UCKL1: variants seen among roughly 807,000 people sequenced by gnomAD.
UCKL1 encodes uridine-cytidine kinase-like 1.
A neutral mutation model predicts 59.2 loss-of-function variants in UCKL1; 65 were observed. That is an observed-to-expected ratio of 1.10 (90% CI 0.90 to 1.35). The LOEUF (loss-of-function observed/expected upper bound fraction) is 1.35, where lower values mean the gene tolerates loss of function less well. Among genes scored for constraint, UCKL1 ranks in the 40% most tolerant of loss-of-function variants. The pLI is 0.00. For synonymous variants in UCKL1, 410 were observed against 323.1 expected (o/e 1.27, Z -2.88); for missense variants, 703 against 784.3 (o/e 0.90, Z 1.24).
intron 1 of UCKL1, among the ~76,000 whole-genome samples, chr20:63,951,621 G>A (rs1216058523): frequency 6.6e-6 from 1 of 152,172 alleles, no homozygotes; most frequent in Non-Finnish European, 1.5e-5. Flanking sequence ...GCAGGGACCT[G>A]CAGCCACCCA....
Position 63,943,375 on chromosome 20 carries a change from C to A in UCKL1, c.923+278G>T, listed in dbSNP as rs1400227720. Among the ~76,000 whole-genome samples, 5 of 152,334 alleles carry A rather than the reference C, an allele frequency of 3.3e-5. No homozygotes were observed. In the East Asian group the frequency reaches 9.6e-4, roughly 29 times the overall value. ...ACAGCTGTGCTCTCTGGGGTCAAAT[C>A]CCATAGACAGACTCAGGAGTCAGGG... On this transcript the variant is annotated intron_variant, in intron 8 of 14. Transcript: ENST00000354216.
intron 8 of UCKL1, among the ~76,000 whole-genome samples, chr20:63,943,438 C>T (rs2055221996): frequency 6.6e-6 from 1 of 152,186 alleles, no homozygotes; most frequent in South Asian, 2.1e-4. Context: ...AGGGTCAGGA[C>T]TCCGTGACGC....
rs2056060750 is a variant in UCKL1, at chr20:63,945,928, G to GT, written c.458dup (p.Asn153LysfsTer9). On this transcript the variant is annotated frameshift_variant, in exon 4 of 15. Coordinates refer to ENST00000354216, the MANE Select transcript of UCKL1 (RefSeq NM_017859.4). LOFTEE classifies it high-confidence loss of function. ...AGTCAAAGGCATCTGGGTGGTCGAA[G>GT]TTGAAGTTGTTGTGTGCGGCCTGTT... 4.3e-6 allele frequency: 7 copies of GT among 1,613,780 alleles called. No homozygotes were observed. Among genetic ancestry groups the GT allele is most frequent in the Non-Finnish European group, 5.1e-6 (6 of 1,180,012 alleles).
rs370538839 is a variant in UCKL1, at chr20:63,943,711, G to A, written c.907-42C>T. The A allele has an allele frequency of 2.2e-5, 36 of 1,611,874 alleles. No homozygotes were observed. In the African/African-American group the frequency reaches 2.3e-4, roughly 10 times the overall value. On this transcript the variant is annotated intron_variant, in intron 7 of 14. Coordinates refer to ENST00000354216, the MANE Select transcript of UCKL1 (RefSeq NM_017859.4). ...GGAAGACACAAGGGAACGGTGGCGC[G>A]TCAGTGACCAGGGCAGGCGGCCAGG...
intron 8 of UCKL1, chr20:63,942,860 G>T (rs1424381262): frequency 1.5e-5 from 6 of 390,782 alleles, no homozygotes; most frequent in Admixed American, 1.1e-4. Flanking sequence ...CGGGTTCCTA[G>T]GCCGAGGAGA....
intron 2 of UCKL1, 74 bp downstream of exon 2, chr20:63,946,379 C>G (rs1246949633): frequency 6.6e-7 from 1 of 1,524,288 alleles, no homozygotes; most frequent in Non-Finnish European, 8.8e-7. Context: ...GCTTCCTTCT[C>G]CTGCTCCACA....
At chr20:63,954,528 G>C (rs1329493308) in intron 1 of UCKL1, 5 of 152,348 alleles carry the variant, frequency 3.3e-5, no homozygotes, top group African/African-American at 1.2e-4. Context: ...GGAACACTAA[G>C]GGCAGCAGCA....
chr20:63,943,224 C>G (rs917452752), intron 8 of UCKL1, among the ~76,000 whole-genome samples: 14 of 152,328 alleles, frequency 9.2e-5, no homozygotes, highest in Non-Finnish European at 1.5e-4. Context: ...GCGAGGCCCT[C>G]CACCTGCAAC....
At chr20:63,941,612 T>G in intron 8 of UCKL1, 2 of 232,462 alleles carry the variant, frequency 8.6e-6, no homozygotes, top group Non-Finnish European at 9.6e-6. Flanking sequence ...AACTAAAGCT[T>G]TGTGGGGTCA....
rs909154854 is a variant in UCKL1, at chr20:63,952,895, A to C, written c.113+3365T>G. Among the ~76,000 whole-genome samples the C allele has an allele frequency of 7.9e-5, 12 of 152,352 alleles. No individual in the cohort carries two copies. The East Asian group carries it at 1.9e-3, about 24-fold the overall frequency. The stretch of plus-strand genomic sequence containing the variant: ...GTTCATTACAGGTGGGTCAGCTCAT[A>C]AAGTCCAAGGCAGATGCCTCATCGG... On this transcript the variant is annotated intron_variant, in intron 1 of 14. Coordinates refer to ENST00000354216, the MANE Select transcript of UCKL1 (RefSeq NM_017859.4).
At chr20:63,950,768 G>A in intron 1 of UCKL1, 1 of 1,537,998 alleles carries the variant, frequency 6.5e-7, no homozygotes, top group Non-Finnish European at 8.8e-7. Context: ...CCTGCCTTCT[G>A]CTCCAAGGGC....
intron 1 of UCKL1, among the ~76,000 whole-genome samples, chr20:63,948,627 A>G (rs1303469298): frequency 5.8e-4 from 2 of 3,458 alleles, no homozygotes; most frequent in African/African-American, 9.7e-4. Context: ...GGCGTGTGTG[A>G]GAGGGAAGGG....
Position 63,946,583 on chromosome 20 carries a change from C to T in UCKL1, c.174G>A (p.Arg58=). The T allele has an allele frequency of 6.2e-7, 1 of 1,611,422 alleles. No individual in the cohort carries two copies. Among genetic ancestry groups the T allele is most frequent in the South Asian group, 1.1e-5 (1 of 91,044 alleles). The change falls in exon 2 of 15, where the codon CGG becomes CGA. Residue 58 remains arginine (R), a synonymous_variant. Coordinates refer to ENST00000354216, the MANE Select transcript of UCKL1 (RefSeq NM_017859.4). ...LPPVGTGRSP[R]KRTTSQCKSE... ...ACTTGCACTGGCTGGTGGTCCGCTT[C>T]CGGGGAGAGCGCCCAGTGCCCACAG...
Position 63,946,559 on chromosome 20 carries a change from C to A in UCKL1, c.198G>T (p.Lys66Asn), listed in dbSNP as rs755342312. Residue 66 changes from lysine (K) to asparagine (N), a missense_variant, in exon 2 of 15, where the codon AAG (lysine) becomes AAT (asparagine). Lys to Asn is a moderately conservative substitution (Grantham distance 94). Transcript: ENST00000354216. ...TTGTACGCAGCAGGGGAGGCTCTGA[C>A]TTGCACTGGCTGGTGGTCCGCTTCC... ...SPRKRTTSQC[K>N]SEPPLLRTSK... 2 of 1,611,552 alleles carry A rather than the reference C, an allele frequency of 1.2e-6. No homozygotes were observed. The highest frequency in any genetic ancestry group is 2.2e-5 in the South Asian group (2 of 90,938).
rs1241636204 is a variant in UCKL1 at position 63,940,790 on chromosome 20, G to A, written c.1179+4C>T. ...CCCGCGCCCAGGTGTGCCCAGGCAG[G>A]TACCTGCTTCCCCGCATAGCACTTG... is the stretch of plus-strand genomic sequence containing the variant. On this transcript the variant is annotated splice_donor_region_variant and intron_variant, in intron 11 of 14. Coordinates refer to ENST00000354216, the MANE Select transcript of UCKL1 (RefSeq NM_017859.4). 13 of 1,592,756 alleles carry A rather than the reference G, an allele frequency of 8.2e-6. No homozygotes were observed. Among genetic ancestry groups the A allele is most frequent in the South Asian group, 2.3e-5 (2 of 88,656 alleles).
intron 1 of UCKL1, among the ~76,000 whole-genome samples, chr20:63,952,797 C>T (rs1234221164): frequency 6.6e-6 from 1 of 152,238 alleles, no homozygotes; most frequent in Non-Finnish European, 1.5e-5. Flanking sequence ...GGCCACAGCA[C>T]AGTCGAATGT....
intron 5 of UCKL1, 112 bp downstream of exon 5, chr20:63,945,539 A>C: frequency 1.8e-6 from 2 of 1,106,300 alleles, no homozygotes; most frequent in African/African-American, 1.6e-5. Context: ...TGGCTGGCCT[A>C]GGCCTATACA....
chr20:63,945,426 C>T (rs990983052), intron 5 of UCKL1, among the ~76,000 whole-genome samples: 53 of 152,252 alleles, frequency 3.5e-4, no homozygotes, highest in African/African-American at 1.2e-3. Context: ...CAGGCCTCAG[C>T]CGGTGGAGAG....
chr20:63,945,112 T>C (rs1412651633), intron 5 of UCKL1, among the ~76,000 whole-genome samples: 1 of 152,094 alleles, frequency 6.6e-6, no homozygotes, highest in Non-Finnish European at 1.5e-5. Context: ...ACCAACACAC[T>C]GGGGAATGGG....
Sources: allele counts gnomAD v4.1 joint callset (sites outside exome capture counted in the v4.1 genomes callset), GRCh38; gene constraint gnomAD v4.1.1; transcripts MANE v1.5; gene names NCBI Gene and HGNC (gene_info 2026-07-23, HGNC 2026-07-21).